The following MYO15B variants were observed in gnomAD, a reference collection of about 807,000 sequenced individuals.
MYO15B encodes myosin XVB.
In MYO15B, 207 loss-of-function variants were observed where a neutral mutation model predicts 119.3. The ratio of observed to expected loss-of-function variants is 1.73; its 90% CI spans 1.55 to 1.95. MYO15B has a LOEUF of 1.95. MYO15B is among the 30% of genes most tolerant of loss of function. MYO15B has a pLI of 0.00. For missense variants in MYO15B, 2,264 were observed against 1,203.1 expected (o/e 1.88, Z -13.04); for synonymous variants, 966 against 498.9 (o/e 1.94, Z -12.48).
At chr17:75,597,766 A>G (rs931834847) in intron 14 of MYO15B, among the ~76,000 whole-genome samples, 2 of 152,022 alleles carry the variant, frequency 1.3e-5, no homozygotes, top group Non-Finnish European at 2.9e-5. Flanking sequence ...AAATACAACA[A>G]TTAGCCTGGT....
chr17:75,601,592 G>A lies in MYO15B; in HGVS notation c.3651+29G>A. Reference sequence around the variant, plus strand: ...CCTGGCCTCAGGGACAGACCAGGGTGAATCAGCGAGGGCAGTGTCCCCTCC... The same window carrying A: ...CCTGGCCTCAGGGACAGACCAGGGTAAATCAGCGAGGGCAGTGTCCCCTCC... On this transcript the variant is annotated intron_variant, in intron 15 of 63. Coordinates refer to ENST00000645453, the Ensembl canonical transcript of MYO15B. The A allele has an allele frequency of 4.3e-6, 3 of 699,370 alleles. No homozygotes were observed. In the South Asian group the frequency reaches 4.5e-5, roughly 10 times the overall value. The allele number at this position is 699,370 out of a possible 1,614,324, so 43.3% of individuals were successfully genotyped here. A position where few individuals can be genotyped will look rare whatever the true frequency, so the allele number is the denominator to read the frequency against.
chr17:75,616,347 C>T (rs1046084607), exon 38 of MYO15B: 3 of 610,246 alleles, frequency 4.9e-6, no homozygotes, highest in African/African-American at 1.9e-5. Flanking sequence ...GATGAAGCCC[C>T]CGGCCAAGGT....
At chr17:75,599,620 A>G (rs933470414) in intron 14 of MYO15B, among the ~76,000 whole-genome samples, 1 of 151,700 alleles carries the variant, frequency 6.6e-6, no homozygotes, top group Non-Finnish European at 1.5e-5. Context: ...TTAAAAGCAC[A>G]TGTAGGCCGG....
At position 75,588,245 on chromosome 17, in the gene MYO15B, C is replaced by T. The variant is rs192920376; in HGVS notation, c.188C>T (p.Pro63Leu). 1.2e-3 allele frequency: 478 copies of T among 398,214 alleles called. 2 individuals are homozygous for T. The Middle Eastern group carries it at 0.016, about 14-fold the overall frequency. 24.7% of individuals were successfully genotyped at this position (398,214 alleles called of 1,614,324 possible). The change falls in exon 1 of 64, where the codon CCT (proline) becomes CTT (leucine). Residue 63 changes from proline to leucine, a missense_variant. Physicochemically the swap from Pro to Leu is moderately conservative, Grantham distance 98. Coordinates refer to ENST00000645453, the Ensembl canonical transcript of MYO15B. ...GCCACCGCCGGGGGCCAGGGAACCC[C>T]TGGTGGCCGCAGGAAGCCCACTGCA... is the stretch of plus-strand genomic sequence containing the variant.
chr17:75,590,968 C>T, exon 3 of MYO15B: 1 of 565,974 alleles, frequency 1.8e-6, no homozygotes. Context: ...CTTTTTTCAC[C>T]TGAGGTCCAG....
At position 75,613,136 on chromosome 17, in the gene MYO15B, CGTGGCTGGGCCCTCATGGCT is replaced by C. The variant is rs2058133267; in HGVS notation, c.4897_4916del (p.Gly1633PhefsTer21). 1 of 702,520 alleles carries C rather than the reference CGTGGCTGGGCCCTCATGGCT, an allele frequency of 1.4e-6. No homozygotes were observed. Among genetic ancestry groups the C allele is most frequent in the African/African-American group, 1.7e-5 (1 of 57,272 alleles). 43.5% of individuals were successfully genotyped at this position (702,520 alleles called of 1,614,324 possible). The stretch of plus-strand genomic sequence containing the variant: ...GAACCCAGATGAACAGCAGAGCCAG[CGTGGCTGGGCCCTCATGGCT>C]GTTTTGCTCAGCGCCTTTCCCCCAC... On this transcript the variant is annotated frameshift_variant, in exon 27 of 64. Transcript: ENST00000645453. LOFTEE classifies it high-confidence loss of function.
At chr17:75,597,385 C>T (rs375447356) in intron 14 of MYO15B, among the ~76,000 whole-genome samples, 1 of 152,202 alleles carries the variant, frequency 6.6e-6, no homozygotes, top group African/African-American at 2.4e-5. Context: ...CCCGTTTCAG[C>T]GCGCGTCCAC....
intron 6 of MYO15B, 41 bp downstream of exon 6, chr17:75,592,121 C>G (rs1435672448): frequency 1.4e-6 from 1 of 702,272 alleles, no homozygotes; most frequent in South Asian, 1.5e-5. Flanking sequence ...AATCACTTAC[C>G]CTTCCTGGGT....
At chr17:75,603,004 C>T in intron 17 of MYO15B, 28 bp from the exon 18 acceptor site, 1 of 702,926 alleles carries the variant, frequency 1.4e-6, no homozygotes. Flanking sequence ...CCAGTCTGTG[C>T]CCGAGTGACC....
Position 75,617,513 on chromosome 17 carries a change from C to T in MYO15B, c.6814+209C>T, listed in dbSNP as rs1007872038. On this transcript the variant is annotated intron_variant, in intron 41 of 63. Coordinates refer to ENST00000645453, the Ensembl canonical transcript of MYO15B. ...GCCTGGGCATCTTTGGGGCTGTCAT[C>T]GAGAGGCTGTCACACACAGGGTGTT... The T allele has an allele frequency of 3.8e-5, 21 of 552,332 alleles. No homozygotes were observed. The East Asian group carries it at 4.8e-4, about 13-fold the overall frequency. The allele number at this position is 552,332 out of a possible 1,614,324, so 34.2% of individuals were successfully genotyped here.
chr17:75,620,252 G>C (rs920376050), exon 48 of MYO15B: 21 of 702,712 alleles, frequency 3.0e-5, no homozygotes, highest in Admixed American at 8.0e-5. Context: ...ACAGGACTCC[G>C]GCTATGTCAT....
Position 75,592,661 on chromosome 17 carries a change from C to T in MYO15B, c.2830-18C>T, listed in dbSNP as rs1485732204. The T allele has an allele frequency of 2.9e-6, 2 of 694,062 alleles. No individual in the cohort carries two copies. Among genetic ancestry groups the T allele is most frequent in the South Asian group, 1.5e-5 (1 of 66,820 alleles). 43.0% of individuals were successfully genotyped at this position (694,062 alleles called of 1,614,324 possible). Reference sequence around the variant, plus strand: ...GGGGTGGCAGGCCCCGCTCCCTCACCCCTGCTGTGCTCTGCAGGGCCAGGC... The same window carrying T: ...GGGGTGGCAGGCCCCGCTCCCTCACTCCTGCTGTGCTCTGCAGGGCCAGGC... On this transcript the variant is annotated intron_variant, in intron 8 of 63. Transcript: ENST00000645453.
chr17:75,615,784 C>A (rs764305335), exon 36 of MYO15B: 2 of 702,516 alleles, frequency 2.8e-6, no homozygotes, highest in Non-Finnish European at 5.2e-6. Context: ...GAGGCTGCGT[C>A]CCAGGCCTCA....
At chr17:75,620,427 AG>A in intron 48 of MYO15B, 39 bp from the exon 49 acceptor site, 1 of 702,570 alleles carries the variant, frequency 1.4e-6, no homozygotes, top group Non-Finnish European at 2.6e-6. Flanking sequence ...CCGGGGGCAG[AG>A]GGTCCAGTGG....
chr17:75,591,282 G>A (rs1192120045), intron 4 of MYO15B, 36 bp downstream of exon 4: 15 of 701,560 alleles, frequency 2.1e-5, no homozygotes, highest in Non-Finnish European at 3.1e-5. Flanking sequence ...TGAACCCATG[G>A]GCCACACTGA....
exon 51 of MYO15B, chr17:75,621,390 C>T: frequency 1.4e-6 from 1 of 701,642 alleles, no homozygotes. Flanking sequence ...ACACGGACAG[C>T]CTGGTGCAGT....
intron 9 of MYO15B, among the ~76,000 whole-genome samples, chr17:75,593,185 C>T (rs1191733287): frequency 7.5e-6 from 1 of 133,496 alleles, no homozygotes; most frequent in Non-Finnish European, 1.6e-5. Context: ...CATAGAGAAA[C>T]CCCGTCTCTA....
intron 8 of MYO15B, 30 bp from the exon 9 acceptor site, chr17:75,592,649 C>T: frequency 1.5e-6 from 1 of 677,954 alleles, no homozygotes; most frequent in Non-Finnish European, 2.7e-6. Context: ...GTGGCAGGCC[C>T]CGCTCCCTCA....
At chr17:75,607,747 C>T (rs1473673453) in intron 21 of MYO15B, among the ~76,000 whole-genome samples, 1 of 152,132 alleles carries the variant, frequency 6.6e-6, no homozygotes, top group Non-Finnish European at 1.5e-5. Context: ...AGGCGTGAGC[C>T]ACTGCACCCG....
Sources: gnomAD v4.1 joint callset for allele counts (sites outside exome capture counted in the v4.1 genomes callset) on GRCh38, gnomAD v4.1.1 for gene constraint, MANE v1.5 for transcripts, NCBI Gene and HGNC (gene_info 2026-07-23, HGNC 2026-07-21) for gene names.